KLF8: variants seen among roughly 807,000 people sequenced by gnomAD.
KLF8 encodes the protein KLF transcription factor 8.
Under a neutral mutation model 18.2 loss-of-function variants are expected in KLF8, and 10 were observed. The ratio of observed to expected loss-of-function variants is 0.55; its 90% CI spans 0.34 to 0.93. The LOEUF (loss-of-function observed/expected upper bound fraction) is 0.93. Among genes scored for constraint, KLF8 ranks in the 40% least tolerant of loss-of-function variants. The pLI, the probability that KLF8 is intolerant of heterozygous loss-of-function variation, is 0.02. For missense variants in KLF8, 264 were observed against 277.9 expected, an observed-to-expected ratio of 0.95 and a Z score of 0.36; for synonymous variants, 109 against 97.3, an observed-to-expected ratio of 1.12 and a Z score of -0.71.
At chrX:56,276,187 C>T (rs997749427) in intron 5 of KLF8, among the ~76,000 whole-genome samples, 4 of 107,040 alleles carry the variant, frequency 3.7e-5, no homozygotes, top group Non-Finnish European at 7.7e-5. Context: ...GTTGCCCAGG[C>T]TGTAGTGCAG....
chrX:56,073,367 A>T, the KLF8 span, among the ~76,000 whole-genome samples: 3 of 112,095 alleles, frequency 2.7e-5, no homozygotes, highest in Admixed American at 9.5e-5. Flanking sequence ...ATTCCATTTT[A>T]TGTATATAAC....
the KLF8 span, among the ~76,000 whole-genome samples, chrX:55,968,894 G>A: frequency 8.9e-6 from 1 of 111,790 alleles, no homozygotes; most frequent in African/African-American, 3.3e-5. Context: ...GGTCAATTCA[G>A]CAGGAGGTTA....
the KLF8 span, among the ~76,000 whole-genome samples, chrX:56,045,714 G>A: frequency 1.8e-5 from 2 of 111,763 alleles, no homozygotes; most frequent in East Asian, 5.6e-4. Flanking sequence ...CTAGGTCACT[G>A]TTAGTGTATA....
chrX:55,974,327 A>G, the KLF8 span, among the ~76,000 whole-genome samples: 1 of 111,529 alleles, frequency 9.0e-6, no homozygotes, highest in South Asian at 3.8e-4. Flanking sequence ...CTAAAATAAA[A>G]GTTGAAACAG....
At chrX:56,276,159 G>A (rs184456893) in intron 5 of KLF8, among the ~76,000 whole-genome samples, 1 of 89,168 alleles carries the variant, frequency 1.1e-5, no homozygotes, top group Non-Finnish European at 2.2e-5. Context: ...CCTCGCCCCC[G>A]AAACCAAGTC....
chrX:56,060,206 G>A, the KLF8 span, among the ~76,000 whole-genome samples: 2 of 111,605 alleles, frequency 1.8e-5, no homozygotes, highest in African/African-American at 6.5e-5. Context: ...GCCCTGGCCG[G>A]AACTTTCAAT....
At chrX:56,226,334 A>G in the KLF8 span, among the ~76,000 whole-genome samples, 6 of 112,392 alleles carry the variant, frequency 5.3e-5, no homozygotes, top group African/African-American at 1.9e-4. Flanking sequence ...AGTACTACCT[A>G]TATCATTATT....
the KLF8 span, among the ~76,000 whole-genome samples, chrX:56,195,031 A>G: frequency 1.8e-5 from 2 of 112,380 alleles, no homozygotes; most frequent in East Asian, 2.8e-4. Context: ...AAGGAATACC[A>G]TCAACATCAA....
the KLF8 span, among the ~76,000 whole-genome samples, chrX:56,192,546 C>T: frequency 8.9e-6 from 1 of 111,895 alleles, no homozygotes; most frequent in African/African-American, 3.2e-5. Context: ...CTGAAGGAAT[C>T]ATAATACCTG....
At chrX:56,055,575 G>A in the KLF8 span, among the ~76,000 whole-genome samples, 1 of 111,487 alleles carries the variant, frequency 9.0e-6, no homozygotes, top group Non-Finnish European at 1.9e-5. Context: ...ATTTTACTGG[G>A]ATTCTCTGCA....
At chrX:56,050,563 T>C in the KLF8 span, among the ~76,000 whole-genome samples, 1 of 112,213 alleles carries the variant, frequency 8.9e-6, no homozygotes, top group Non-Finnish European at 1.9e-5. Flanking sequence ...TCAGTTTCCA[T>C]GTAGTTGTGT....
the KLF8 span, among the ~76,000 whole-genome samples, chrX:56,197,953 T>C: frequency 8.0e-5 from 9 of 111,996 alleles, no homozygotes; most frequent in Non-Finnish European, 1.7e-4. Context: ...TCAATAAACA[T>C]AATCCATCAC....
chrX:56,139,714 A>G, the KLF8 span, among the ~76,000 whole-genome samples: 1 of 111,941 alleles, frequency 8.9e-6, no homozygotes, highest in Non-Finnish European at 1.9e-5. Flanking sequence ...TACATAGGAC[A>G]TGGAAAAAAT....
rs773032466 is a variant in KLF8, at chrX:56,243,528, C to CTT, written c.8-6678_8-6677dup. Reference sequence around the variant, plus strand: ...GCTTTTGTGTATGTTGAAACTCTTGCTTTTTTTTTTTTTTTTTTTTTTTTT... The same window carrying CTT: ...GCTTTTGTGTATGTTGAAACTCTTGCTTTTTTTTTTTTTTTTTTTTTTTTTTT... On this transcript the variant is annotated intron_variant, in intron 1 of 5. Coordinates refer to ENST00000468660, the MANE Select transcript of KLF8 (RefSeq NM_007250.5). 2.7e-3 allele frequency: 159 copies of CTT among 58,160 alleles called. 25 individuals are homozygous for CTT. Among genetic ancestry groups the CTT allele is most frequent in the African/African-American group, 3.8e-3 (57 of 15,055 alleles). The allele number at this position is 58,160 out of a possible 1,213,427, so 4.8% of individuals were successfully genotyped here.
intron 1 of KLF8, among the ~76,000 whole-genome samples, chrX:56,248,206 G>A (rs905165791): frequency 9.1e-6 from 1 of 110,364 alleles, no homozygotes; most frequent in Non-Finnish European, 1.9e-5. Context: ...TATACTTAAT[G>A]TAAATGACGA....
chrX:55,934,780 C>G, the KLF8 span, among the ~76,000 whole-genome samples: 1 of 112,369 alleles, frequency 8.9e-6, no homozygotes, highest in Non-Finnish European at 1.9e-5. Context: ...TTCCTCCTCA[C>G]CACACTCATT....
the KLF8 span, among the ~76,000 whole-genome samples, chrX:56,206,614 G>A: frequency 8.9e-6 from 1 of 112,351 alleles, no homozygotes; most frequent in Admixed American, 9.4e-5. Flanking sequence ...CATGGCCTTG[G>A]GCATCCCTGC....
At chrX:56,195,754 A>G in the KLF8 span, among the ~76,000 whole-genome samples, 2 of 111,648 alleles carry the variant, frequency 1.8e-5, no homozygotes, top group South Asian at 3.8e-4. Context: ...ACTCCTTGAG[A>G]AGAGCAATCC....
chrX:56,038,213 T>C, the KLF8 span, among the ~76,000 whole-genome samples: 1 of 112,165 alleles, frequency 8.9e-6, no homozygotes, highest in Non-Finnish European at 1.9e-5. Context: ...AAATTTTCTT[T>C]TTTTATCATT....
Sources: gnomAD v4.1 joint callset for allele counts (sites outside exome capture counted in the v4.1 genomes callset) on GRCh38, gnomAD v4.1.1 for gene constraint, MANE v1.5 for transcripts, NCBI Gene and HGNC (gene_info 2026-07-23, HGNC 2026-07-21) for gene names.